The following CNNM2 variants were observed in gnomAD, a reference collection of about 807,000 sequenced individuals.
CNNM2 encodes the protein cyclin and CBS domain divalent metal cation transport mediator 2, also known as metal transporter CNNM2.
CNNM2 carries 12 observed loss-of-function variants against 66.9 expected under a neutral mutation model. That is an observed-to-expected ratio of 0.18 (90% confidence interval 0.11 to 0.29). CNNM2 has a LOEUF of 0.29. Among genes scored for constraint, CNNM2 ranks in the 10% least tolerant of loss-of-function variants. The pLI is 1.00. For missense variants in CNNM2, 705 were observed against 1,167.7 expected (o/e 0.60, Z 5.77); for synonymous variants, 557 against 501.8 (o/e 1.11, Z -1.47).
chr10:103,068,731 G>T lies in CNNM2; in HGVS notation c.2167+9G>T. The T allele has an allele frequency of 6.2e-7, 1 of 1,608,746 alleles. No individual in the cohort carries two copies. Among genetic ancestry groups the T allele is most frequent in the East Asian group, 2.2e-5 (1 of 44,766 alleles). On this transcript the variant is annotated intron_variant, in intron 5 of 7. Transcript: ENST00000369878. Reference sequence around the variant, plus strand: ...CCTGACAGCCTCTCCAGGTATGTTTGGTTCCCAGCCGCATAGGGCAGGACC... The same window carrying T: ...CCTGACAGCCTCTCCAGGTATGTTTTGTTCCCAGCCGCATAGGGCAGGACC...
chr10:102,919,311 G>C lies in CNNM2; in HGVS notation c.831G>C (p.Leu277=). The change falls in exon 1 of 8, where the codon CTG becomes CTC. Residue 277 remains leucine, a synonymous_variant. Coordinates refer to ENST00000369878, the MANE Select transcript of CNNM2 (RefSeq NM_017649.5). ...CGGGCATGTTCAGCGGCCTCAACCT[G>C]GGGCTCATGGCCCTGGACCCGATGG... ...CLSGMFSGLN[L]GLMALDPMEL... 1 of 1,613,782 alleles carries C rather than the reference G, an allele frequency of 6.2e-7. No individual in the cohort carries two copies. The highest frequency in any genetic ancestry group is 8.5e-7 in the Non-Finnish European group (1 of 1,180,040).
intron 5 of CNNM2, 101 bp from the exon 6 acceptor site, chr10:103,071,673 A>G (rs2065585613): frequency 1.1e-5 from 10 of 900,030 alleles, no homozygotes; most frequent in Admixed American, 5.1e-5. Context: ...GAATGCTCAT[A>G]TTGTATTGAT....
At chr10:103,034,762 C>G (rs527633821) in intron 1 of CNNM2, among the ~76,000 whole-genome samples, 2 of 152,048 alleles carry the variant, frequency 1.3e-5, no homozygotes, top group South Asian at 2.1e-4. Context: ...TCCTACTGAT[C>G]GAGACCATCC....
chr10:103,050,781 C>G (rs1341352445), intron 2 of CNNM2, among the ~76,000 whole-genome samples: 5 of 152,074 alleles, frequency 3.3e-5, no homozygotes, highest in African/African-American at 9.7e-5. Context: ...TGGCTTGGAT[C>G]AGGGCAGGGT....
chr10:103,077,952 G>GT lies in CNNM2; in HGVS notation c.*775dup, dbSNP rs1239660941. ...AATGTTAATGAATTTAAAACCCATG[G>GT]TTTATCATTGGCAAGAGGCAAGTTG... is the stretch of plus-strand genomic sequence containing the variant. On this transcript the variant is annotated 3_prime_UTR_variant, in exon 8 of 8. Coordinates refer to ENST00000369878, the MANE Select transcript of CNNM2 (RefSeq NM_017649.5). The GT allele has an allele frequency of 1.3e-5, 2 of 152,614 alleles. No homozygotes were observed. The highest frequency in any genetic ancestry group is 2.9e-5 in the Non-Finnish European group (2 of 68,034). The allele number at this position is 152,614 out of a possible 1,614,324, so 9.5% of individuals were successfully genotyped here. A position where few individuals can be genotyped will look rare whatever the true frequency, so the allele number is the denominator to read the frequency against.
At chr10:103,026,990 G>A (rs2064721536) in intron 1 of CNNM2, among the ~76,000 whole-genome samples, 1 of 152,172 alleles carries the variant, frequency 6.6e-6, no homozygotes, top group Non-Finnish European at 1.5e-5. Context: ...TTCATGACTG[G>A]CCATATTGAC....
chr10:102,941,835 G>T (rs1282748349), intron 1 of CNNM2, among the ~76,000 whole-genome samples: 3 of 152,020 alleles, frequency 2.0e-5, no homozygotes, highest in African/African-American at 7.2e-5. Flanking sequence ...CTCCATAAGG[G>T]CAGGGACTTG....
intron 5 of CNNM2, 96 bp from the exon 6 acceptor site, chr10:103,071,678 A>G: frequency 1.1e-6 from 1 of 934,734 alleles, no homozygotes; most frequent in Non-Finnish European, 1.8e-6. Context: ...CTCATATTGT[A>G]TTGATAGAAC....
At chr10:102,977,017 G>A (rs1239869218) in intron 1 of CNNM2, among the ~76,000 whole-genome samples, 1 of 152,148 alleles carries the variant, frequency 6.6e-6, no homozygotes, top group African/African-American at 2.4e-5. Flanking sequence ...AATTGGTCAA[G>A]TTGGGTATTG....
intron 1 of CNNM2, among the ~76,000 whole-genome samples, chr10:102,955,599 G>A: frequency 6.6e-6 from 1 of 152,076 alleles, no homozygotes; most frequent in East Asian, 1.9e-4. Context: ...CCTACAGAAT[G>A]GGAGAAAATT....
rs879342346 is a variant in CNNM2 at position 103,011,693 on chromosome 10, A to AT, written c.1622-38002dup. Among the ~76,000 whole-genome samples, 6,840 of 101,994 alleles carry AT rather than the reference A, an allele frequency of 0.067. 163 individuals carry two copies. Among genetic ancestry groups the AT allele is most frequent in the Non-Finnish European group, 0.077 (3,684 of 48,062 alleles). The allele number at this position is 101,994 out of a possible 152,430, so 66.9% of individuals were successfully genotyped here. A position where few individuals can be genotyped will look rare whatever the true frequency, so the allele number is the denominator to read the frequency against. ...GTGTGTGTGTGTGTGTGTATGTATA[A>AT]TTTTTTTTTTTTGAGATGGAGTTTC... On this transcript the variant is annotated intron_variant, in intron 1 of 7. Coordinates refer to ENST00000369878, the MANE Select transcript of CNNM2 (RefSeq NM_017649.5).
intron 1 of CNNM2, among the ~76,000 whole-genome samples, chr10:102,947,732 T>C (rs1846669414): frequency 1.3e-5 from 2 of 151,486 alleles, no homozygotes; most frequent in Admixed American, 1.3e-4. Context: ...TCCAGCCTGG[T>C]TGACAGACTG....
In CNNM2 at chr10:103,081,921, C is replaced by T. The variant is rs983817395; in HGVS notation, c.*4741C>T. 5.3e-5 allele frequency: 8 copies of T among 152,352 alleles called. No individual in the cohort carries two copies. The highest frequency in any genetic ancestry group is 1.9e-4 in the African/African-American group (8 of 41,562). 9.4% of individuals were successfully genotyped at this position (152,352 alleles called of 1,614,324 possible). On this transcript the variant is annotated 3_prime_UTR_variant, in exon 8 of 8. Coordinates refer to ENST00000369878, the MANE Select transcript of CNNM2 (RefSeq NM_017649.5). ...GCTTCTCACACCACTGTGGTTGGCT[C>T]AGCTCAAGTAAGCACGTTCTCTCTG...
chr10:102,984,078 A>ACT (rs2063759824), intron 1 of CNNM2, among the ~76,000 whole-genome samples: 1 of 152,180 alleles, frequency 6.6e-6, no homozygotes, highest in Non-Finnish European at 1.5e-5. Flanking sequence ...TTATGAGCCT[A>ACT]CTGTTGGTTG....
chr10:102,944,123 G>A (rs1378931700), intron 1 of CNNM2, among the ~76,000 whole-genome samples: 3 of 137,598 alleles, frequency 2.2e-5, no homozygotes, highest in East Asian at 4.2e-4. Flanking sequence ...TTGCTTTGTC[G>A]CCCAGGCAAG....
At chr10:102,951,288 C>T (rs534259754) in intron 1 of CNNM2, among the ~76,000 whole-genome samples, 4 of 152,240 alleles carry the variant, frequency 2.6e-5, no homozygotes, top group South Asian at 2.1e-4. Context: ...CCTCCACCTC[C>T]TGTGTTCAAG....
At chr10:102,959,132 A>T (rs1397239220) in intron 1 of CNNM2, among the ~76,000 whole-genome samples, 2 of 151,712 alleles carry the variant, frequency 1.3e-5, no homozygotes, top group Non-Finnish European at 2.9e-5. Context: ...ATGAGGTTTT[A>T]CCATGTTGCC....
intron 4 of CNNM2, among the ~76,000 whole-genome samples, chr10:103,058,136 T>C (rs1325468538): frequency 2.6e-5 from 4 of 152,272 alleles, no homozygotes; most frequent in Non-Finnish European, 5.9e-5. Context: ...ACATGTCACA[T>C]TCTTACAGTC....
chr10:103,055,905 T>C (rs1380300277), intron 3 of CNNM2, among the ~76,000 whole-genome samples: 2 of 152,030 alleles, frequency 1.3e-5, no homozygotes, highest in African/African-American at 4.8e-5. Context: ...CTGGCCAACA[T>C]GATGAAACTC....
Sources: allele counts gnomAD v4.1 joint callset (sites outside exome capture counted in the v4.1 genomes callset), GRCh38; gene constraint gnomAD v4.1.1; transcripts MANE v1.5; gene names NCBI Gene and HGNC (gene_info 2026-07-23, HGNC 2026-07-21).